The following OPCML variants were observed in gnomAD, a reference collection of about 807,000 sequenced individuals.
The protein encoded by OPCML is opioid binding protein/cell adhesion molecule like.
In OPCML, 13 loss-of-function variants were observed where a neutral mutation model predicts 37.8. That is an observed-to-expected ratio of 0.34 (90% CI 0.22 to 0.55). OPCML has a LOEUF of 0.55. Among genes scored for constraint, OPCML ranks in the 20% least tolerant of loss-of-function variants. The probability of loss-of-function intolerance (pLI) is 0.91; values close to 1 mark genes in which losing one functional copy is unlikely to be tolerated. For missense variants in OPCML, 341 were observed against 435.6 expected, an observed-to-expected ratio of 0.78 and a Z score of 1.93; for synonymous variants, 176 against 168.8, an observed-to-expected ratio of 1.04 and a Z score of -0.33.
Position 133,118,482 on chromosome 11 carries a change from A to T in OPCML, c.62-175472T>A, listed in dbSNP as rs928774959. 8.8e-6 allele frequency: 8 copies of T among 908,252 alleles called. No homozygotes were observed. In the East Asian group the frequency reaches 8.3e-4, roughly 94 times the overall value. 56.3% of individuals were successfully genotyped at this position (908,252 alleles called of 1,614,324 possible). Reference sequence around the variant, plus strand: ...ACTGGAAAGGAGACTGAATGCCTCCATTTGGTCAAGGAGACAGGATGGAGA... The same window carrying T: ...ACTGGAAAGGAGACTGAATGCCTCCTTTTGGTCAAGGAGACAGGATGGAGA... On this transcript the variant is annotated intron_variant, in intron 1 of 7. Transcript: ENST00000524381.
chr11:133,006,927 C>T, intron 1 of OPCML: 1 of 985,430 alleles, frequency 1.0e-6, no homozygotes, highest in African/African-American at 1.7e-5. Context: ...GTGCTTGTGG[C>T]ATAAGCAGGA....
intron 1 of OPCML, among the ~76,000 whole-genome samples, chr11:133,525,363 G>A (rs1019908266): frequency 2.6e-5 from 4 of 152,170 alleles, no homozygotes; most frequent in African/African-American, 7.2e-5. Flanking sequence ...CCTTGTCTAC[G>A]GAACTGTGAT....
chr11:133,518,219 GT>G (rs1948323989), intron 1 of OPCML, among the ~76,000 whole-genome samples: 1 of 151,922 alleles, frequency 6.6e-6, no homozygotes, highest in South Asian at 2.1e-4. Context: ...GTATAAGTGT[GT>G]GGGGGGGTGT....
chr11:132,954,546 A>T (rs1945936464), intron 1 of OPCML, among the ~76,000 whole-genome samples: 1 of 152,200 alleles, frequency 6.6e-6, no homozygotes, highest in African/African-American at 2.4e-5. Flanking sequence ...GAGACATAGT[A>T]AGAATAGTTG....
intron 1 of OPCML, among the ~76,000 whole-genome samples, chr11:133,521,697 A>C (rs145858486): frequency 6.6e-6 from 1 of 152,338 alleles, no homozygotes; most frequent in East Asian, 1.9e-4. Flanking sequence ...CTCCCAAGGA[A>C]ACTGCAGCTT....
At chr11:133,293,825 T>C (rs1942548709) in intron 1 of OPCML, among the ~76,000 whole-genome samples, 1 of 151,094 alleles carries the variant, frequency 6.6e-6, no homozygotes, top group Non-Finnish European at 1.5e-5. Flanking sequence ...AGGTGACAGA[T>C]CTTGGTTGAA....
chr11:133,104,535 C>T (rs953573690), intron 1 of OPCML, among the ~76,000 whole-genome samples: 5 of 152,228 alleles, frequency 3.3e-5, no homozygotes, highest in Admixed American at 1.3e-4. Context: ...CCTGTCTATG[C>T]TTTGAAAGTA....
chr11:133,245,579 G>A (rs1940891433), intron 1 of OPCML, among the ~76,000 whole-genome samples: 1 of 152,162 alleles, frequency 6.6e-6, no homozygotes, highest in Admixed American at 6.5e-5. Flanking sequence ...TGAGACTCGT[G>A]TGTCAAAATC....
chr11:132,704,087 G>C lies in OPCML; in HGVS notation c.147-46768C>G, dbSNP rs373173460. Among the ~76,000 whole-genome samples the C allele has an allele frequency of 3.3e-5, 5 of 152,260 alleles. No individual in the cohort carries two copies. The East Asian group carries it at 7.7e-4, about 24-fold the overall frequency. Reference sequence around the variant, plus strand: ...AGGCCTGTGTCCTGTGTCTGTTGGAGTTTGAAGCCACATGGACTAGTGTAG... The same window carrying C: ...AGGCCTGTGTCCTGTGTCTGTTGGACTTTGAAGCCACATGGACTAGTGTAG... On this transcript the variant is annotated intron_variant, in intron 2 of 7. Transcript: ENST00000524381.
intron 4 of OPCML, among the ~76,000 whole-genome samples, chr11:132,455,562 T>G (rs1427241867): frequency 6.6e-6 from 1 of 152,218 alleles, no homozygotes; most frequent in Non-Finnish European, 1.5e-5. Flanking sequence ...GAGATAGTCT[T>G]TGTTTACATT....
intron 1 of OPCML, among the ~76,000 whole-genome samples, chr11:133,291,177 A>G (rs1015868452): frequency 2.6e-5 from 4 of 152,222 alleles, no homozygotes; most frequent in African/African-American, 9.7e-5. Flanking sequence ...GCCACTTACT[A>G]GCTCAACCAC....
intron 3 of OPCML, among the ~76,000 whole-genome samples, chr11:132,532,911 C>T (rs193007841): frequency 1.3e-5 from 2 of 152,132 alleles, no homozygotes; most frequent in Non-Finnish European, 2.9e-5. Context: ...CCCTTGTTTC[C>T]ATGATGACTT....
intron 4 of OPCML, among the ~76,000 whole-genome samples, chr11:132,441,201 T>G (rs1309665843): frequency 8.0e-6 from 1 of 124,396 alleles, no homozygotes; most frequent in Non-Finnish European, 1.6e-5. Context: ...GGAGTTTCGC[T>G]CTGTCGCCCA....
chr11:133,073,163 A>G (rs1368905235), intron 1 of OPCML, among the ~76,000 whole-genome samples: 2 of 152,158 alleles, frequency 1.3e-5, no homozygotes, highest in Admixed American at 6.5e-5. Flanking sequence ...TGCTTCCCCC[A>G]TTAGTCATGG....
intron 4 of OPCML, among the ~76,000 whole-genome samples, chr11:132,469,369 TGA>T (rs1226647983): frequency 6.6e-6 from 1 of 151,994 alleles, no homozygotes; most frequent in East Asian, 1.9e-4. Context: ...TGTGTGGGTG[TGA>T]GAGAGTGTAT....
intron 1 of OPCML, among the ~76,000 whole-genome samples, chr11:132,993,583 C>T (rs569942880): frequency 1.2e-4 from 18 of 152,256 alleles, no homozygotes; most frequent in African/African-American, 4.3e-4. Context: ...GTGGTGGATG[C>T]GCTGCCCCGC....
intron 1 of OPCML, among the ~76,000 whole-genome samples, chr11:133,387,042 G>A (rs529111226): frequency 7.2e-5 from 11 of 152,138 alleles, no homozygotes; most frequent in South Asian, 6.2e-4. Context: ...CCCCAACTCC[G>A]GTATTTTGGC....
At chr11:132,427,688 A>T (rs1331976932) in intron 7 of OPCML, among the ~76,000 whole-genome samples, 2 of 152,234 alleles carry the variant, frequency 1.3e-5, no homozygotes, top group Non-Finnish European at 2.9e-5. Flanking sequence ...TGGAAGAGAC[A>T]AGACTTGAGT....
At chr11:133,477,184 C>T (rs948631724) in intron 1 of OPCML, among the ~76,000 whole-genome samples, 2 of 152,130 alleles carry the variant, frequency 1.3e-5, no homozygotes, top group African/African-American at 2.4e-5. Context: ...TTTTTCTGTT[C>T]GCCCTCTTCT....
Sources: allele counts gnomAD v4.1 joint callset (sites outside exome capture counted in the v4.1 genomes callset), GRCh38; gene constraint gnomAD v4.1.1; transcripts MANE v1.5; gene names NCBI Gene and HGNC (gene_info 2026-07-23, HGNC 2026-07-21).